The following AHI1 variants were observed in gnomAD, a reference collection of about 807,000 sequenced individuals.
AHI1 encodes jouberin.
In AHI1, 123 loss-of-function variants were observed where a neutral mutation model predicts 149.3. The ratio of observed to expected loss-of-function variants is 0.82; its 90% CI spans 0.71 to 0.96. The LOEUF (loss-of-function observed/expected upper bound fraction) is 0.96, where lower values mean the gene tolerates loss of function less well. Ranked by LOEUF, AHI1 falls within the 40% of genes least tolerant of loss-of-function variation. AHI1 has a pLI of 0.00. For synonymous variants in AHI1, 475 were observed against 459.8 expected, an observed-to-expected ratio of 1.03 and a Z score of -0.42; for missense variants, 1,439 against 1,422.7, an observed-to-expected ratio of 1.01 and a Z score of -0.18.
In AHI1 at chr6:135,339,470, C is replaced by T. The variant is rs537648117; in HGVS notation, c.3166-16146G>A. Among the ~76,000 whole-genome samples the T allele has an allele frequency of 5.0e-4, 76 of 151,946 alleles. 2 individuals carry two copies. The South Asian group carries it at 0.015, about 30-fold the overall frequency. On this transcript the variant is annotated intron_variant, in intron 24 of 28. Coordinates refer to ENST00000265602, the MANE Select transcript of AHI1 (RefSeq NM_001134831.2). The stretch of plus-strand genomic sequence containing the variant: ...AAGAGAAAGTATACATGTACCTCAC[C>T]AAACAAACAAACAAAAAATCAATAT...
At chr6:135,486,698 T>G (rs1024323816) in intron 5 of AHI1, among the ~76,000 whole-genome samples, 2 of 152,184 alleles carry the variant, frequency 1.3e-5, no homozygotes, top group Non-Finnish European at 2.9e-5. Flanking sequence ...CACTTTTACT[T>G]TTAAACTTTA....
chr6:135,407,485 T>C (rs902137927), intron 21 of AHI1, among the ~76,000 whole-genome samples: 1 of 152,108 alleles, frequency 6.6e-6, no homozygotes, highest in African/African-American at 2.4e-5. Context: ...ATCAGAAAAA[T>C]AAATTCAGTG....
chr6:135,285,718 G>T, intron 28 of AHI1, 71 bp from the exon 29 acceptor site: 1 of 1,306,742 alleles, frequency 7.7e-7, no homozygotes, highest in Non-Finnish European at 1.1e-6. Flanking sequence ...CCAAATCTTA[G>T]TGTGCTCAGG....
intron 8 of AHI1, among the ~76,000 whole-genome samples, 155 bp from the exon 9 acceptor site, chr6:135,457,868 T>C (rs1241843679): frequency 6.6e-6 from 1 of 152,052 alleles, no homozygotes; most frequent in Admixed American, 6.6e-5. Flanking sequence ...CAAACCATAG[T>C]GTGAAAGTAA....
chr6:135,316,839 C>T (rs1217956215), intron 26 of AHI1, among the ~76,000 whole-genome samples: 1 of 152,164 alleles, frequency 6.6e-6, no homozygotes, highest in Admixed American at 6.5e-5. Flanking sequence ...GTGAATATTT[C>T]TATCTGGGAG....
intron 23 of AHI1, among the ~76,000 whole-genome samples, chr6:135,373,776 A>T (rs150424134): frequency 1.3e-5 from 2 of 152,302 alleles, no homozygotes; most frequent in East Asian, 3.9e-4. Flanking sequence ...AAGACAGAAC[A>T]TATGTCCAGC....
intron 5 of AHI1, among the ~76,000 whole-genome samples, chr6:135,468,638 T>C (rs1032026324): frequency 4.0e-5 from 6 of 151,752 alleles, no homozygotes; most frequent in African/African-American, 1.2e-4. Flanking sequence ...AAGAATCAAA[T>C]AGACACAATA....
At chr6:135,449,103 G>A (rs1787703490) in intron 11 of AHI1, among the ~76,000 whole-genome samples, 2 of 152,118 alleles carry the variant, frequency 1.3e-5, no homozygotes, top group South Asian at 2.1e-4. Flanking sequence ...CCGGAGTGCA[G>A]TGGCAAAATC....
intron 26 of AHI1, among the ~76,000 whole-genome samples, chr6:135,310,300 A>G (rs1305298324): frequency 5.3e-5 from 8 of 152,238 alleles, no homozygotes; most frequent in Admixed American, 5.2e-4. Context: ...ATTATTAGAT[A>G]CTTTGAAGAC....
At chr6:135,435,249 A>G (rs377756198) in intron 15 of AHI1, 76 of 152,304 alleles carry the variant, frequency 5.0e-4, no homozygotes, top group African/African-American at 1.7e-3. Flanking sequence ...TAATGATGTA[A>G]AGAGTCCTAA....
chr6:135,476,397 T>C (rs965770420), intron 5 of AHI1, among the ~76,000 whole-genome samples: 2 of 151,976 alleles, frequency 1.3e-5, no homozygotes, highest in African/African-American at 4.8e-5. Flanking sequence ...ACTTGTTTTA[T>C]GGGCCAGAAT....
At chr6:135,380,622 A>T (rs1776597390) in intron 23 of AHI1, among the ~76,000 whole-genome samples, 1 of 152,144 alleles carries the variant, frequency 6.6e-6, no homozygotes, top group South Asian at 2.1e-4. Context: ...CATGTATAAA[A>T]GTGCCTGGGA....
intron 23 of AHI1, among the ~76,000 whole-genome samples, chr6:135,380,892 G>C (rs542754184): frequency 1.3e-5 from 2 of 151,930 alleles, no homozygotes; most frequent in South Asian, 4.2e-4. Context: ...TTAAGTTCTA[G>C]GGAAAACTTT....
At chr6:135,468,699 C>T (rs996589582) in intron 5 of AHI1, among the ~76,000 whole-genome samples, 3 of 152,098 alleles carry the variant, frequency 2.0e-5, no homozygotes, top group Admixed American at 2.0e-4. Flanking sequence ...TGCAGACAAC[C>T]ATCAGAGAAT....
At position 135,448,405 on chromosome 6, in the gene AHI1, T is replaced by G; in HGVS notation, c.1511A>C (p.Lys504Thr). 1 of 1,603,464 alleles carries G rather than the reference T, an allele frequency of 6.2e-7. No homozygotes were observed. Among genetic ancestry groups the G allele is most frequent in the Non-Finnish European group, 8.5e-7 (1 of 1,173,068 alleles). Residue 504 changes from lysine to threonine, a missense_variant, in exon 12 of 29, where the codon AAG becomes ACG. Lys to Thr is a moderately conservative substitution (Grantham distance 78). Coordinates refer to ENST00000265602, the MANE Select transcript of AHI1 (RefSeq NM_001134831.2). Reference protein sequence around the residue: ...LRLQLYYPPTKPRSPLSVVEA... With the variant: ...LRLQLYYPPTTPRSPLSVVEA... ...AACAACACTTAATGGGGATCGAGGC[T>G]TAGTAGGTGGGTAATATAGCTGCAA...
chr6:135,305,833 C>G (rs1306801587), intron 26 of AHI1, among the ~76,000 whole-genome samples: 1 of 152,210 alleles, frequency 6.6e-6, no homozygotes, highest in Admixed American at 6.5e-5. Flanking sequence ...GCTTTTTCTG[C>G]TTTCAACCTT....
Position 135,466,370 on chromosome 6 carries a change from C to T in AHI1, c.193G>A (p.Asp65Asn), listed in dbSNP as rs1001283344. 40 of 1,611,522 alleles carry T rather than the reference C, an allele frequency of 2.5e-5. No individual in the cohort carries two copies. Among genetic ancestry groups the T allele is most frequent in the East Asian group, 4.5e-5 (2 of 44,852 alleles). ...YMKETTSDDP[D>N]TIRSNLPHIK... ...TGGGGAAGATTGCTTCTAATAGTGT[C>T]GGGCTAGGAAAAGAAGACATGATAA... is the stretch of plus-strand genomic sequence containing the variant. The change falls in exon 7 of 29, where the codon GAC (aspartate) becomes AAC (asparagine). Residue 65 changes from aspartate to asparagine, a missense_variant. Coordinates refer to ENST00000265602, the MANE Select transcript of AHI1 (RefSeq NM_001134831.2).
chr6:135,373,557 TG>T (rs961478870), intron 23 of AHI1, among the ~76,000 whole-genome samples: 1 of 152,244 alleles, frequency 6.6e-6, no homozygotes, highest in Admixed American at 6.5e-5. Context: ...TTATGTTTCT[TG>T]GGAGACACTT....
chr6:135,418,940 TATA>T (rs1782754471), intron 20 of AHI1, among the ~76,000 whole-genome samples: 1 of 151,160 alleles, frequency 6.6e-6, no homozygotes, highest in South Asian at 2.1e-4. Context: ...GTTCAGTACT[TATA>T]ATTTTTTTTT....
Sources: gnomAD v4.1 joint callset for allele counts (sites outside exome capture counted in the v4.1 genomes callset) on GRCh38, gnomAD v4.1.1 for gene constraint, MANE v1.5 for transcripts, NCBI Gene and HGNC (gene_info 2026-07-23, HGNC 2026-07-21) for gene names.